Variants in LEO1 observed in about 807,000 individuals in gnomAD.
LEO1 encodes RNA polymerase-associated protein LEO1.
LEO1 carries 34 observed loss-of-function variants against 80.4 expected under a neutral mutation model. The observed-to-expected ratio is 0.42, with a 90% CI of 0.32 to 0.56. The LOEUF is 0.56. Ranked by LOEUF, LEO1 falls within the 20% of genes least tolerant of loss-of-function variation. LEO1 has a pLI of 0.10. For synonymous variants in LEO1, 262 were observed against 274.9 expected, an observed-to-expected ratio of 0.95 and a Z score of 0.46; for missense variants, 631 against 814.2, an observed-to-expected ratio of 0.77 and a Z score of 2.74.
intron 11 of LEO1, among the ~76,000 whole-genome samples, chr15:51,946,716 T>A (rs76338474): frequency 2.6e-4 from 40 of 152,170 alleles, no homozygotes; most frequent in African/African-American, 8.9e-4. Flanking sequence ...AATTTTTGTA[T>A]TTTTTTGGAG....
At chr15:51,958,592 T>C (rs2593187) in intron 6 of LEO1, 150 bp downstream of exon 6, 252,452 of 595,978 alleles carry the variant, frequency 0.42, 54,484 homozygotes, top group Admixed American at 0.55. Flanking sequence ...ATAAAATTCT[T>C]TCCTAATAGT....
intron 6 of LEO1, chr15:51,954,933 A>ATTT (rs34049838): frequency 1.6e-4 from 23 of 140,560 alleles, no homozygotes; most frequent in South Asian, 8.3e-4. Context: ...TGAGGCAGAA[A>ATTT]TTTTTTTTTT....
chr15:51,938,958 G>T (rs1215327234), intron 11 of LEO1, among the ~76,000 whole-genome samples: 3 of 152,206 alleles, frequency 2.0e-5, no homozygotes, highest in African/African-American at 7.2e-5. Flanking sequence ...GCCAAAGGGG[G>T]TGGATCACCT....
At chr15:51,940,794 T>G (rs2959290) in intron 11 of LEO1, among the ~76,000 whole-genome samples, 11 of 151,376 alleles carry the variant, frequency 7.3e-5, no homozygotes, top group Non-Finnish European at 1.3e-4. Flanking sequence ...CAAAAAAAAA[T>G]TTTTAATAAA....
At chr15:51,940,684 A>G (rs1319852893) in intron 11 of LEO1, among the ~76,000 whole-genome samples, 2 of 152,196 alleles carry the variant, frequency 1.3e-5, no homozygotes, top group Non-Finnish European at 2.9e-5. Context: ...TGGGAGGCCA[A>G]AGTGGGAGGA....
At chr15:51,966,731 C>T (rs2057081040) in intron 1 of LEO1, among the ~76,000 whole-genome samples, 1 of 151,770 alleles carries the variant, frequency 6.6e-6, no homozygotes, top group African/African-American at 2.4e-5. Flanking sequence ...ACAAACATAG[C>T]GAAACCCTGT....
intron 11 of LEO1, among the ~76,000 whole-genome samples, chr15:51,946,076 T>G (rs1486746610): frequency 1.3e-5 from 2 of 152,098 alleles, no homozygotes; most frequent in African/African-American, 4.8e-5. Flanking sequence ...TATTCTCTTA[T>G]AATATGAAAA....
intron 6 of LEO1, among the ~76,000 whole-genome samples, chr15:51,956,622 C>T (rs2056991744): frequency 6.6e-6 from 1 of 151,974 alleles, no homozygotes; most frequent in East Asian, 1.9e-4. Flanking sequence ...ATAAGCTGTA[C>T]CTGGTTCCCT....
chr15:51,960,937 A>G (rs1005772358), intron 3 of LEO1, among the ~76,000 whole-genome samples: 29 of 152,326 alleles, frequency 1.9e-4, no homozygotes, highest in African/African-American at 7.0e-4. Context: ...CAAGCTGCAC[A>G]GGAGGCACTT....
At chr15:51,952,997 C>G (rs2056961183) in intron 8 of LEO1, 132 bp downstream of exon 8, 5 of 726,172 alleles carry the variant, frequency 6.9e-6, no homozygotes, top group Non-Finnish European at 1.1e-5. Flanking sequence ...ACCTTCAGAA[C>G]TATGCACAAG....
chr15:51,952,080 AGTCACCT>A, intron 8 of LEO1, 101 bp from the exon 9 acceptor site: 1 of 1,023,520 alleles, frequency 9.8e-7, no homozygotes, highest in African/African-American at 1.6e-5. Context: ...ACCATTTCCT[AGTCACCT>A]GAAAAAATAG....
intron 8 of LEO1, among the ~76,000 whole-genome samples, chr15:51,952,766 C>A (rs77421899): frequency 0.015 from 2,328 of 152,306 alleles, 68 homozygotes; most frequent in East Asian, 0.075. Flanking sequence ...TGCACAACAA[C>A]AACCTCTAGT....
intron 1 of LEO1, among the ~76,000 whole-genome samples, chr15:51,971,396 C>T (rs754804732): frequency 1.3e-5 from 2 of 152,244 alleles, no homozygotes; most frequent in Non-Finnish European, 2.9e-5. Flanking sequence ...AACGTTCCTA[C>T]CCGCGCTGCG....
At chr15:51,955,549 G>A (rs914063862) in intron 6 of LEO1, among the ~76,000 whole-genome samples, 1 of 152,150 alleles carries the variant, frequency 6.6e-6, no homozygotes, top group Non-Finnish European at 1.5e-5. Context: ...TATCACTGCT[G>A]CCTCCTGGAA....
intron 7 of LEO1, among the ~76,000 whole-genome samples, chr15:51,953,529 A>T (rs1269472465): frequency 2.0e-5 from 3 of 152,136 alleles, no homozygotes; most frequent in Non-Finnish European, 2.9e-5. Flanking sequence ...CTGAGACAGG[A>T]TAACTGCTTG....
intron 1 of LEO1, among the ~76,000 whole-genome samples, chr15:51,967,447 T>G (rs745470128): frequency 4.6e-5 from 7 of 152,174 alleles, no homozygotes; most frequent in Non-Finnish European, 1.0e-4. Flanking sequence ...CACTCTAGCC[T>G]GAGTGACAAA....
chr15:51,960,027 A>G lies in LEO1; in HGVS notation c.1032T>C (p.Pro344=). Residue 344 remains proline, a synonymous_variant, in exon 5 of 12, where the codon CCT becomes CCC. Transcript: ENST00000299601. ...TTGGCTCCTCTTCCTGTTGATCCTG[A>G]GGCAATCCATTTTCATCCTAGTGAA... ...PGQPVDENGL[P]QDQQEEEPIP... 6.2e-7 allele frequency: 1 copy of G among 1,611,984 alleles called. No individual in the cohort carries two copies. The highest frequency in any genetic ancestry group is 8.5e-7 in the Non-Finnish European group (1 of 1,179,498).
chr15:51,964,605 A>T (rs539181209), intron 2 of LEO1, among the ~76,000 whole-genome samples: 1 of 151,496 alleles, frequency 6.6e-6, no homozygotes, highest in Non-Finnish European at 1.5e-5. Context: ...CTGCAGTCCC[A>T]TAGTCTACAC....
intron 2 of LEO1, 131 bp downstream of exon 2, chr15:51,965,618 T>C (rs1364461667): frequency 3.2e-6 from 4 of 1,232,370 alleles, no homozygotes; most frequent in Non-Finnish European, 4.4e-6. Context: ...ATTCTAGAGT[T>C]AGAAAAGTTT....
Sources: allele counts gnomAD v4.1 joint callset (sites outside exome capture counted in the v4.1 genomes callset), GRCh38; gene constraint gnomAD v4.1.1; transcripts MANE v1.5; gene names NCBI Gene and HGNC (gene_info 2026-07-23, HGNC 2026-07-21).